The following NCOA1 variants were observed in gnomAD, a reference collection of about 807,000 sequenced individuals.
The protein encoded by NCOA1 is nuclear receptor coactivator 1, also known as Hin-2 protein.
NCOA1 carries 35 observed loss-of-function variants against 150.9 expected under a neutral mutation model. That is an observed-to-expected ratio of 0.23 (90% CI 0.18 to 0.31). The LOEUF is 0.31. Ranked by LOEUF, NCOA1 falls within the 10% of genes least tolerant of loss-of-function variation. The probability of loss-of-function intolerance (pLI) is 1.00; values close to 1 mark genes in which losing one functional copy is unlikely to be tolerated. For synonymous variants in NCOA1, 590 were observed against 630.0 expected, an observed-to-expected ratio of 0.94 and a Z score of 0.95; for missense variants, 1,491 against 1,749.3, an observed-to-expected ratio of 0.85 and a Z score of 2.63.
rs528651711 is a variant in NCOA1 at position 24,628,561 on chromosome 2, T to G, written c.-174-15405T>G. ...GGAGCTTACAGTTGAGTGAGAGAGA[T>G]ACACAATAAACACATAATCACACAA... On this transcript the variant is annotated intron_variant, in intron 3 of 22. Coordinates refer to ENST00000348332, the MANE Select transcript of NCOA1 (RefSeq NM_003743.5). Among the ~76,000 whole-genome samples, 4 of 152,298 alleles carry G rather than the reference T, an allele frequency of 2.6e-5. No individual in the cohort carries two copies. The East Asian group carries it at 7.7e-4, about 29-fold the overall frequency.
chr2:24,746,534 T>A (rs993648030), intron 19 of NCOA1, among the ~76,000 whole-genome samples: 6 of 152,128 alleles, frequency 3.9e-5, no homozygotes, highest in Non-Finnish European at 1.5e-5. Flanking sequence ...AGAGCAAGCC[T>A]CTGTCTAAAA....
intron 1 of NCOA1, among the ~76,000 whole-genome samples, chr2:24,535,780 C>T (rs570541781): frequency 1.4e-4 from 21 of 152,290 alleles, no homozygotes; most frequent in Admixed American, 4.6e-4. Context: ...TATTAGCCCC[C>T]GTGCTCTACT....
intron 19 of NCOA1, among the ~76,000 whole-genome samples, chr2:24,743,982 A>G (rs1663750130): frequency 6.6e-6 from 1 of 152,190 alleles, no homozygotes; most frequent in Non-Finnish European, 1.5e-5. Context: ...AGAACTTTAT[A>G]TTCTGCTTTC....
chr2:24,694,278 T>C (rs1349809356), intron 10 of NCOA1, among the ~76,000 whole-genome samples: 1 of 152,240 alleles, frequency 6.6e-6, no homozygotes, highest in African/African-American at 2.4e-5. Flanking sequence ...TACACTAACA[T>C]GTTGTATGTT....
chr2:24,588,779 T>C (rs929247430), intron 3 of NCOA1, among the ~76,000 whole-genome samples: 1 of 152,210 alleles, frequency 6.6e-6, no homozygotes, highest in African/African-American at 2.4e-5. Flanking sequence ...ACTGTTAATC[T>C]TAAGGTGATA....
intron 3 of NCOA1, among the ~76,000 whole-genome samples, chr2:24,630,591 T>C (rs1669664209): frequency 6.6e-6 from 1 of 152,210 alleles, no homozygotes; most frequent in African/African-American, 2.4e-5. Flanking sequence ...CTCAGATATA[T>C]TACTTGGAAT....
At chr2:24,620,966 T>C (rs1255342088) in intron 3 of NCOA1, among the ~76,000 whole-genome samples, 1 of 152,222 alleles carries the variant, frequency 6.6e-6, no homozygotes, top group Non-Finnish European at 1.5e-5. Flanking sequence ...TGGTAAGAGA[T>C]AATAACAGGA....
At chr2:24,550,513 G>C (rs1665782611) in intron 1 of NCOA1, among the ~76,000 whole-genome samples, 1 of 152,186 alleles carries the variant, frequency 6.6e-6, no homozygotes, top group Non-Finnish European at 1.5e-5. Flanking sequence ...CAGATCTCGA[G>C]AGATTTATTC....
chr2:24,543,670 C>G (rs953501718), intron 1 of NCOA1, among the ~76,000 whole-genome samples: 2 of 151,952 alleles, frequency 1.3e-5, no homozygotes, highest in African/African-American at 4.8e-5. Flanking sequence ...AAAGAAGGAA[C>G]ATCTGAATTG....
intron 21 of NCOA1, among the ~76,000 whole-genome samples, chr2:24,761,685 A>G (rs984402846): frequency 1.3e-5 from 2 of 152,194 alleles, no homozygotes; most frequent in Non-Finnish European, 2.9e-5. Flanking sequence ...GATGCCAGAC[A>G]TGAATTTTAC....
intron 14 of NCOA1, among the ~76,000 whole-genome samples, chr2:24,719,233 A>G (rs1213183845): frequency 2.0e-5 from 3 of 152,042 alleles, no homozygotes; most frequent in Non-Finnish European, 4.4e-5. Flanking sequence ...AAGCTCTCAA[A>G]CAGGCAAAAC....
chr2:24,693,145 C>T (rs1427609646), intron 9 of NCOA1, 107 bp from the exon 10 acceptor site: 8 of 1,082,010 alleles, frequency 7.4e-6, no homozygotes, highest in African/African-American at 1.5e-5. Flanking sequence ...TGAGCCACCA[C>T]GTCTGGCCAA....
intron 2 of NCOA1, among the ~76,000 whole-genome samples, chr2:24,574,967 A>G (rs1334908475): frequency 6.6e-6 from 1 of 151,462 alleles, no homozygotes; most frequent in Non-Finnish European, 1.5e-5. Flanking sequence ...TGTCGGTGTG[A>G]TTTTCTTTGT....
chr2:24,628,275 G>T (rs1669523339), intron 3 of NCOA1, among the ~76,000 whole-genome samples: 1 of 150,214 alleles, frequency 6.7e-6, no homozygotes, highest in African/African-American at 2.4e-5. Context: ...ACTCCAGTCT[G>T]GGTGACAAAA....
At chr2:24,600,866 A>G (rs1266038292) in intron 3 of NCOA1, among the ~76,000 whole-genome samples, 1 of 152,222 alleles carries the variant, frequency 6.6e-6, no homozygotes, top group Non-Finnish European at 1.5e-5. Context: ...TAGAATGTGA[A>G]TTACTGAAAT....
At chr2:24,681,816 A>C (rs867177954) in intron 7 of NCOA1, among the ~76,000 whole-genome samples, 1 of 150,762 alleles carries the variant, frequency 6.6e-6, no homozygotes, top group African/African-American at 2.4e-5. Flanking sequence ...CCGGGTTCAC[A>C]CCGTTCTCCT....
intron 1 of NCOA1, among the ~76,000 whole-genome samples, chr2:24,549,455 C>T (rs763287234): frequency 8.5e-5 from 13 of 152,320 alleles, no homozygotes; most frequent in East Asian, 3.9e-4. Flanking sequence ...GATTAACATT[C>T]GGCTCTTCAT....
intron 1 of NCOA1, among the ~76,000 whole-genome samples, chr2:24,494,494 A>G (rs1297996686): frequency 6.6e-6 from 1 of 152,208 alleles, no homozygotes; most frequent in Non-Finnish European, 1.5e-5. Context: ...GGAGGTCAAT[A>G]CAACGCACAA....
Position 24,691,432 on chromosome 2 carries a change from G to C in NCOA1, c.533-49G>C, listed in dbSNP as rs772011613. On this transcript the variant is annotated intron_variant, in intron 8 of 22. Transcript: ENST00000348332. ...TACATCTTTTGTATCTTCAGAGTTTGTGCTTTTTCACCATATTCGCAAGCA... is the reference window on the plus strand; with the variant it reads ...TACATCTTTTGTATCTTCAGAGTTTCTGCTTTTTCACCATATTCGCAAGCA... The C allele has an allele frequency of 7.7e-6, 12 of 1,557,122 alleles. No individual in the cohort carries two copies. The South Asian group carries it at 1.2e-4, about 16-fold the overall frequency.
Sources: gnomAD v4.1 joint callset for allele counts (sites outside exome capture counted in the v4.1 genomes callset) on GRCh38, gnomAD v4.1.1 for gene constraint, MANE v1.5 for transcripts, NCBI Gene and HGNC (gene_info 2026-07-23, HGNC 2026-07-21) for gene names.